GALNT13: variants seen among roughly 807,000 people sequenced by gnomAD.
GALNT13 encodes the protein polypeptide N-acetylgalactosaminyltransferase 13, also known as UDP-GalNAc:polypeptide N-acetylgalactosaminyltransferase 13.
GALNT13 carries 28 observed loss-of-function variants against 64.2 expected under a neutral mutation model. That is an observed-to-expected ratio of 0.44 (90% CI 0.32 to 0.60). The LOEUF is 0.60. Among genes scored for constraint, GALNT13 ranks in the 20% least tolerant of loss-of-function variants. The pLI, the probability that GALNT13 is intolerant of heterozygous loss-of-function variation, is 0.05. For missense variants in GALNT13, 577 were observed against 669.8 expected (o/e 0.86, Z 1.53); for synonymous variants, 214 against 224.6 (o/e 0.95, Z 0.42).
chr2:153,944,807 TG>T (rs2105386221), intron 3 of GALNT13, among the ~76,000 whole-genome samples, 168 bp downstream of exon 3: 1 of 152,332 alleles, frequency 6.6e-6, no homozygotes, highest in African/African-American at 2.4e-5. Flanking sequence ...TTACCTTTCT[TG>T]GTCTTAGGCG....
At chr2:153,260,591 T>A in the GALNT13 span, among the ~76,000 whole-genome samples, 77 of 152,282 alleles carry the variant, frequency 5.1e-4, no homozygotes, top group East Asian at 5.2e-3. Context: ...CCTTTGTGTG[T>A]TATTTGTTTG....
At chr2:154,145,429 A>T (rs1229548897) in intron 4 of GALNT13, among the ~76,000 whole-genome samples, 2 of 151,844 alleles carry the variant, frequency 1.3e-5, no homozygotes, top group African/African-American at 2.4e-5. Context: ...AAAGTAAATA[A>T]ATAGATGCCA....
the GALNT13 span, among the ~76,000 whole-genome samples, chr2:153,334,618 T>C: frequency 1.3e-5 from 2 of 152,044 alleles, no homozygotes; most frequent in African/African-American, 4.8e-5. Flanking sequence ...CAAACCGAAA[T>C]TTTAGGTGTT....
chr2:153,417,671 A>T, the GALNT13 span, among the ~76,000 whole-genome samples: 17 of 152,162 alleles, frequency 1.1e-4, no homozygotes, highest in African/African-American at 4.1e-4. Flanking sequence ...TGAAATGAGA[A>T]ATTCTTTTAG....
intron 12 of GALNT13, among the ~76,000 whole-genome samples, chr2:154,441,100 G>C (rs16837425): frequency 0.13 from 20,198 of 152,002 alleles, 1,509 homozygotes; most frequent in African/African-American, 0.18. Flanking sequence ...CAAAATCTCC[G>C]ATCATTCATA....
the GALNT13 span, among the ~76,000 whole-genome samples, chr2:153,290,109 A>T: frequency 6.6e-6 from 1 of 152,220 alleles, no homozygotes; most frequent in East Asian, 1.9e-4. Flanking sequence ...CTCTAAAGTC[A>T]CCTTACTCTC....
chr2:153,647,390 A>G, the GALNT13 span, among the ~76,000 whole-genome samples: 1 of 152,078 alleles, frequency 6.6e-6, no homozygotes, highest in African/African-American at 2.4e-5. Flanking sequence ...AGTAGATTGC[A>G]AAAATTTTCT....
At chr2:153,827,318 A>C in the GALNT13 span, among the ~76,000 whole-genome samples, 137 of 152,208 alleles carry the variant, frequency 9.0e-4, no homozygotes, top group Non-Finnish European at 1.5e-3. Context: ...TGGGAGTTAC[A>C]ATTCAAGAAA....
At chr2:154,254,805 A>C (rs1690281046) in intron 7 of GALNT13, among the ~76,000 whole-genome samples, 1 of 152,138 alleles carries the variant, frequency 6.6e-6, no homozygotes, top group Non-Finnish European at 1.5e-5. Flanking sequence ...AGAGGAAACA[A>C]GTATGGAAAC....
At chr2:153,287,964 T>A in the GALNT13 span, among the ~76,000 whole-genome samples, 20,083 of 152,062 alleles carry the variant, frequency 0.13, 1,663 homozygotes, top group Non-Finnish European at 0.18. Context: ...CCATATCAAT[T>A]CCGTTTGTCT....
the GALNT13 span, among the ~76,000 whole-genome samples, chr2:153,527,999 G>A: frequency 6.6e-6 from 1 of 151,734 alleles, no homozygotes; most frequent in Non-Finnish European, 1.5e-5. Context: ...ATGGGAATAC[G>A]AGAAGGAAAG....
At chr2:153,902,266 G>T (rs779359230) in intron 2 of GALNT13, among the ~76,000 whole-genome samples, 42 of 134,212 alleles carry the variant, frequency 3.1e-4, no homozygotes, top group Middle Eastern at 3.8e-3. Context: ...GAGACTGAAG[G>T]ATTTACAGAG....
At chr2:153,979,063 T>C (rs1373503868) in intron 3 of GALNT13, among the ~76,000 whole-genome samples, 1 of 152,204 alleles carries the variant, frequency 6.6e-6, no homozygotes, top group Non-Finnish European at 1.5e-5. Flanking sequence ...TAGTTCTTAA[T>C]ATATAAGAAA....
chr2:153,290,450 A>G, the GALNT13 span, among the ~76,000 whole-genome samples: 1 of 152,220 alleles, frequency 6.6e-6, no homozygotes, highest in African/African-American at 2.4e-5. Flanking sequence ...ATTTGGTGGC[A>G]CTGGTTACCA....
At chr2:154,123,380 C>T (rs1682067552) in intron 3 of GALNT13, among the ~76,000 whole-genome samples, 1 of 151,882 alleles carries the variant, frequency 6.6e-6, no homozygotes. Context: ...ATGGTTCAGT[C>T]TAGGGTGACC....
At chr2:153,719,897 A>G in the GALNT13 span, among the ~76,000 whole-genome samples, 9 of 152,244 alleles carry the variant, frequency 5.9e-5, no homozygotes, top group African/African-American at 9.6e-5. Context: ...GGCTCCCGCC[A>G]TTGCCCAGGC....
chr2:153,267,745 A>G, the GALNT13 span, among the ~76,000 whole-genome samples: 4 of 151,596 alleles, frequency 2.6e-5, no homozygotes, highest in Admixed American at 2.0e-4. Context: ...TTAACATTCA[A>G]CTCCTTATTA....
chr2:154,029,086 C>T (rs1252926134), intron 3 of GALNT13, among the ~76,000 whole-genome samples: 1 of 151,160 alleles, frequency 6.6e-6, no homozygotes, highest in Non-Finnish European at 1.5e-5. Context: ...CTATTGACTG[C>T]AGATATGAGG....
At chr2:154,299,127 T>C (rs991569283) in intron 8 of GALNT13, among the ~76,000 whole-genome samples, 1 of 149,830 alleles carries the variant, frequency 6.7e-6, no homozygotes, top group African/African-American at 2.4e-5. Flanking sequence ...ATTAAACAAT[T>C]GATTTTTTGT....
Sources: allele counts gnomAD v4.1 joint callset (sites outside exome capture counted in the v4.1 genomes callset), GRCh38; gene constraint gnomAD v4.1.1; transcripts MANE v1.5; gene names NCBI Gene and HGNC (gene_info 2026-07-23, HGNC 2026-07-21).